HS2ST1: variants seen among roughly 807,000 people sequenced by gnomAD.
The protein encoded by HS2ST1 is heparan sulfate 2-O-sulfotransferase 1, also known as 2-O-sulfotransferase.
Under a neutral mutation model 42.9 loss-of-function variants are expected in HS2ST1, and 18 were observed. That is an observed-to-expected ratio of 0.42 (90% CI 0.29 to 0.62). The LOEUF is 0.62. Among genes scored for constraint, HS2ST1 ranks in the 20% least tolerant of loss-of-function variants. HS2ST1 has a pLI of 0.21. For missense variants in HS2ST1, 334 were observed against 433.8 expected (o/e 0.77, Z 2.04); for synonymous variants, 146 against 152.9 (o/e 0.95, Z 0.33).
intron 1 of HS2ST1, among the ~76,000 whole-genome samples, chr1:86,923,028 T>G (rs919593598): frequency 6.6e-6 from 1 of 152,206 alleles, no homozygotes; most frequent in Non-Finnish European, 1.5e-5. Flanking sequence ...TCTTTTTGTG[T>G]GTGTGTGTGT....
intron 1 of HS2ST1, among the ~76,000 whole-genome samples, chr1:86,942,119 T>A (rs1172257426): frequency 2.0e-5 from 3 of 152,208 alleles, no homozygotes; most frequent in African/African-American, 7.2e-5. Context: ...AAACCTAGGC[T>A]ATAAGGAGAC....
chr1:87,055,499 G>C (rs1650940676), intron 1 of HS2ST1, among the ~76,000 whole-genome samples: 2 of 152,028 alleles, frequency 1.3e-5, no homozygotes, highest in African/African-American at 4.8e-5. Context: ...ATGTCTTCAG[G>C]CCATTGATAC....
chr1:86,957,412 G>A (rs1215969484), intron 1 of HS2ST1, among the ~76,000 whole-genome samples: 2 of 152,164 alleles, frequency 1.3e-5, no homozygotes, highest in African/African-American at 4.8e-5. Flanking sequence ...TAACCACTTT[G>A]CTGTGATTCT....
Position 86,931,615 on chromosome 1 carries a change from T to A in HS2ST1, c.124+16455T>A, listed in dbSNP as rs527445981. ...AAGATGAGGCATCTAGTGATAAGAA[T>A]TGAGTTAGGATTTTGTGCCGTACAT... is the stretch of plus-strand genomic sequence containing the variant. On this transcript the variant is annotated intron_variant, in intron 1 of 6. Transcript: ENST00000370550. Among the ~76,000 whole-genome samples the A allele has an allele frequency of 5.3e-5, 8 of 152,178 alleles. 1 individual carries two copies. Among genetic ancestry groups the A allele is most frequent in the African/African-American group, 1.7e-4 (7 of 41,560 alleles).
intron 1 of HS2ST1, among the ~76,000 whole-genome samples, chr1:87,056,317 G>A (rs905813356): frequency 6.6e-6 from 1 of 152,184 alleles, no homozygotes; most frequent in Non-Finnish European, 1.5e-5. Context: ...GAAGACAACA[G>A]ATGTGGCTGC....
intron 1 of HS2ST1, among the ~76,000 whole-genome samples, chr1:86,971,341 T>C (rs969941489): frequency 2.6e-5 from 4 of 152,202 alleles, no homozygotes; most frequent in African/African-American, 9.6e-5. Flanking sequence ...GTTTAGTTAT[T>C]TCTTCAGTTC....
intron 5 of HS2ST1, among the ~76,000 whole-genome samples, chr1:87,101,993 G>A (rs1427219354): frequency 6.6e-6 from 1 of 152,174 alleles, no homozygotes; most frequent in South Asian, 2.1e-4. Flanking sequence ...AGTGCGAGCA[G>A]GCACATCATA....
chr1:86,987,978 A>G (rs998368395), intron 1 of HS2ST1, among the ~76,000 whole-genome samples: 24 of 152,136 alleles, frequency 1.6e-4, no homozygotes, highest in African/African-American at 5.6e-4. Context: ...TACAATTCAT[A>G]TGTCCAGGAT....
intron 1 of HS2ST1, among the ~76,000 whole-genome samples, chr1:86,952,352 C>T (rs1647546208): frequency 6.6e-6 from 1 of 152,078 alleles, no homozygotes; most frequent in Admixed American, 6.5e-5. Context: ...ATTCTCCTGC[C>T]TCAGTCTCCT....
Position 86,915,042 on chromosome 1 carries a change from G to T in HS2ST1, c.6G>T (p.Gly2=), listed in dbSNP as rs765389052. 8.1e-6 allele frequency: 13 copies of T among 1,614,068 alleles called. No homozygotes were observed. The East Asian group carries it at 1.6e-4, about 19-fold the overall frequency. Residue 2 remains glycine, a synonymous_variant, in exon 1 of 7, where the codon GGG becomes GGT. Transcript: ENST00000370550. M[G]LLRIMMPPKL... is the part of the protein sequence containing the mutation. ...GATCCCGAGCAGCGGGTTTCATGGG[G>T]CTCCTCAGGATTATGATGCCGCCCA...
intron 1 of HS2ST1, among the ~76,000 whole-genome samples, chr1:87,069,723 T>A (rs887836681): frequency 6.6e-6 from 1 of 152,208 alleles, no homozygotes; most frequent in Non-Finnish European, 1.5e-5. Context: ...TGCATGTAAA[T>A]ACTATTTGAA....
intron 1 of HS2ST1, among the ~76,000 whole-genome samples, chr1:86,939,208 C>T (rs751345647): frequency 1.3e-5 from 2 of 151,936 alleles, no homozygotes; most frequent in Admixed American, 1.3e-4. Flanking sequence ...AATATAAGTC[C>T]TGAAGAAAAA....
At chr1:87,033,629 C>T (rs185078158) in intron 1 of HS2ST1, among the ~76,000 whole-genome samples, 2 of 152,164 alleles carry the variant, frequency 1.3e-5, no homozygotes, top group Non-Finnish European at 2.9e-5. Context: ...CTGCAACCTC[C>T]GCCTTCCGGG....
At chr1:87,024,037 A>G (rs1415034687) in intron 1 of HS2ST1, among the ~76,000 whole-genome samples, 1 of 152,188 alleles carries the variant, frequency 6.6e-6, no homozygotes, top group African/African-American at 2.4e-5. Context: ...TGGATGTAGA[A>G]GATATAGGGA....
chr1:86,974,621 C>T (rs916084592), intron 1 of HS2ST1, among the ~76,000 whole-genome samples: 2 of 152,172 alleles, frequency 1.3e-5, no homozygotes, highest in Non-Finnish European at 2.9e-5. Flanking sequence ...TGGGAACAGT[C>T]TTGTGGGACT....
chr1:87,000,165 A>G (rs1649241230), intron 1 of HS2ST1, among the ~76,000 whole-genome samples: 1 of 152,128 alleles, frequency 6.6e-6, no homozygotes, highest in Non-Finnish European at 1.5e-5. Context: ...AAAGCAAATA[A>G]TGAGTAGTCT....
chr1:86,985,372 A>ATATATG (rs1371450771), intron 1 of HS2ST1, among the ~76,000 whole-genome samples: 1 of 54,310 alleles, frequency 1.8e-5, no homozygotes, highest in African/African-American at 4.1e-5. Context: ...AAAAAAGTAT[A>ATATATG]TATATATATA....
intron 1 of HS2ST1, among the ~76,000 whole-genome samples, chr1:86,994,402 A>G (rs1649037557): frequency 6.6e-6 from 1 of 152,164 alleles, no homozygotes; most frequent in African/African-American, 2.4e-5. Context: ...TAACTTCATT[A>G]TGGGCAACAA....
intron 1 of HS2ST1, among the ~76,000 whole-genome samples, chr1:86,933,225 G>A (rs1408823649): frequency 1.3e-5 from 2 of 152,102 alleles, no homozygotes; most frequent in Non-Finnish European, 2.9e-5. Flanking sequence ...GTGTCTGTCA[G>A]TTTTGGAGAA....
Sources: gnomAD v4.1 joint callset for allele counts (sites outside exome capture counted in the v4.1 genomes callset) on GRCh38, gnomAD v4.1.1 for gene constraint, MANE v1.5 for transcripts, NCBI Gene and HGNC (gene_info 2026-07-23, HGNC 2026-07-21) for gene names.